The following AFF1 variants were observed in gnomAD, a reference collection of about 807,000 sequenced individuals.
AFF1 encodes AF4/FMR2 family member 1.
In AFF1, 48 loss-of-function variants were observed where a neutral mutation model predicts 121.7. The ratio of observed to expected loss-of-function variants is 0.39; its 90% confidence interval spans 0.31 to 0.50. The LOEUF is 0.50. AFF1 is among the 20% of genes least tolerant of loss of function. AFF1 has a pLI of 0.76. For missense variants in AFF1, 1,523 were observed against 1,511.7 expected (o/e 1.01, Z -0.12); for synonymous variants, 613 against 563.0 (o/e 1.09, Z -1.26).
chr4:87,114,659 C>A lies in AFF1; in HGVS notation c.1826C>A (p.Thr609Asn). The A allele has an allele frequency of 6.2e-7, 1 of 1,608,454 alleles. No individual in the cohort carries two copies. Among genetic ancestry groups the A allele is most frequent in the Non-Finnish European group, 8.5e-7 (1 of 1,179,238 alleles). The change falls in exon 12 of 21, where the codon ACC (threonine) becomes AAC (asparagine). Residue 609 changes from threonine to asparagine, a missense_variant. By Grantham distance (65) the Thr-to-Asn change is moderately conservative. Transcript: ENST00000395146. The part of the protein sequence containing the change: ...QEPPQRQTVG[T>N]KQPKKPVKAS... Reference sequence around the variant, plus strand: ...CCCCCACAAAGGCAAACCGTTGGAACCAAACAACCCAAAAAACCTGTCAAG... The same window carrying A: ...CCCCCACAAAGGCAAACCGTTGGAAACAAACAACCCAAAAAACCTGTCAAG...
At chr4:86,990,911 G>GGAGGCCGA (rs1560522555) in intron 2 of AFF1, among the ~76,000 whole-genome samples, 1 of 152,124 alleles carries the variant, frequency 6.6e-6, no homozygotes, top group African/African-American at 2.4e-5. Flanking sequence ...CAGCACTTTC[G>GGAGGCCGA]GAGGCCGAGG....
At chr4:87,036,939 C>G in intron 2 of AFF1, 1 of 363,986 alleles carries the variant, frequency 2.7e-6, no homozygotes, top group Admixed American at 3.8e-5. Context: ...TCAAGTGATC[C>G]TCCCATCTCA....
In AFF1 at chr4:87,046,295, T is replaced by C; in HGVS notation, c.159+9T>C. 6.2e-7 allele frequency: 1 copy of C among 1,609,096 alleles called. No individual in the cohort carries two copies. Among genetic ancestry groups the C allele is most frequent in the South Asian group, 1.1e-5 (1 of 90,658 alleles). ...TTGGAGAGCCCTACAAGGTATTTAC[T>C]GAACACTAGACATTGAAGTCCTGAT... On this transcript the variant is annotated intron_variant, in intron 3 of 20. Coordinates refer to ENST00000395146, the MANE Select transcript of AFF1 (RefSeq NM_001166693.3).
intron 4 of AFF1, among the ~76,000 whole-genome samples, chr4:87,056,086 C>CTTT (rs1720111063): frequency 6.6e-6 from 1 of 151,916 alleles, no homozygotes; most frequent in Non-Finnish European, 1.5e-5. Context: ...TTTCTCTCTG[C>CTTT]ATTTTTTTTT....
At chr4:87,011,701 A>AGT (rs3035507) in intron 2 of AFF1, among the ~76,000 whole-genome samples, 1 of 152,208 alleles carries the variant, frequency 6.6e-6, no homozygotes, top group South Asian at 2.1e-4. Context: ...CATTGTAAAC[A>AGT]GTGTCCTTGA....
At position 87,134,577 on chromosome 4, in the gene AFF1, A is replaced by G; in HGVS notation, c.3418A>G (p.Ile1140Val). The stretch of plus-strand genomic sequence containing the variant: ...GGGGAGCAGTGGGGTGGCTGCCACT[A>G]TCAGCACCCCAGTCACCATCCAGAA... ...SVGSSGVAAT[I>V]STPVTIQNMT... is the part of the protein sequence containing the mutation. Residue 1140 changes from isoleucine (I) to valine (V), a missense_variant, in exon 20 of 21, where the codon ATC becomes GTC. By Grantham distance (29) the Ile-to-Val change is conservative. Transcript: ENST00000395146. 3 of 1,614,090 alleles carry G rather than the reference A, an allele frequency of 1.9e-6. No individual in the cohort carries two copies. Among genetic ancestry groups the G allele is most frequent in the South Asian group, 2.2e-5 (2 of 91,080 alleles).
chr4:87,083,754 T>A (rs1723398043), intron 4 of AFF1, among the ~76,000 whole-genome samples: 1 of 152,176 alleles, frequency 6.6e-6, no homozygotes, highest in South Asian at 2.1e-4. Context: ...TAGATTAATC[T>A]CTCTGGTCTT....
intron 12 of AFF1, among the ~76,000 whole-genome samples, chr4:87,117,323 T>G (rs536601561): frequency 2.6e-5 from 4 of 152,258 alleles, no homozygotes; most frequent in African/African-American, 7.2e-5. Context: ...CTTAATCGAG[T>G]GCATGATTTC....
intron 10 of AFF1, among the ~76,000 whole-genome samples, chr4:87,106,463 G>T (rs186698045): frequency 6.6e-6 from 1 of 152,282 alleles, no homozygotes; most frequent in Admixed American, 6.5e-5. Flanking sequence ...TTAAACTGAC[G>T]AGCCCAGTGT....
At chr4:87,040,763 G>A (rs1730055114) in intron 2 of AFF1, among the ~76,000 whole-genome samples, 2 of 151,174 alleles carry the variant, frequency 1.3e-5, no homozygotes, top group Non-Finnish European at 1.5e-5. Context: ...TAGAGACATA[G>A]GGTTTCACTA....
intron 2 of AFF1, among the ~76,000 whole-genome samples, chr4:87,030,564 AAC>A (rs1051248617): frequency 6.6e-6 from 1 of 152,154 alleles, no homozygotes; most frequent in Non-Finnish European, 1.5e-5. Flanking sequence ...ACAAGTCTGA[AAC>A]ACTGGTCTAA....
At position 87,047,532 on chromosome 4, in the gene AFF1, G is replaced by A. The variant is rs1222904407; in HGVS notation, c.997G>A (p.Asp333Asn). Residue 333 changes from aspartate (D) to asparagine (N), a missense_variant, in exon 4 of 21, where the codon GAC becomes AAC. Asp to Asn is a conservative substitution (Grantham distance 23). Around this residue, in one of 5 missense-constraint regions of AFF1, gnomAD observed 905 missense variants for 842.5 expected, o/e 1.07. Transcript: ENST00000395146. ...TCGACAGCAGACCTTTGAAAAAACA[G>A]ACTTGAAAGTGCCTGCCAAAGCCAA... Reference protein sequence around the residue: ...DYRQQTFEKTDLKVPAKAKLT... With the variant: ...DYRQQTFEKTNLKVPAKAKLT... 1 of 1,614,070 alleles carries A rather than the reference G, an allele frequency of 6.2e-7. No individual in the cohort carries two copies. The highest frequency in any genetic ancestry group is 1.3e-5 in the African/African-American group (1 of 74,912).
intron 2 of AFF1, among the ~76,000 whole-genome samples, chr4:86,991,445 C>CAA (rs57207984): frequency 7.1e-6 from 1 of 141,314 alleles, no homozygotes; most frequent in Non-Finnish European, 1.5e-5. Flanking sequence ...ACTCCATCTC[C>CAA]AAAAAAAAAA....
rs527739853 is a variant in AFF1 at position 87,028,584 on chromosome 4, A to T, written c.39-17582A>T. On this transcript the variant is annotated intron_variant, in intron 2 of 20. Transcript: ENST00000395146. ...GATAATACCTCATTTTGTAGAGATT[A>T]TTTAAATTCCTTGAGGTCTCAGACC... Among the ~76,000 whole-genome samples the T allele has an allele frequency of 2.0e-5, 3 of 149,646 alleles. No homozygotes were observed. In the South Asian group the frequency reaches 6.2e-4, roughly 31 times the overall value.
At chr4:87,041,263 A>G (rs545473391) in intron 2 of AFF1, among the ~76,000 whole-genome samples, 1 of 152,328 alleles carries the variant, frequency 6.6e-6, no homozygotes, top group African/African-American at 2.4e-5. Flanking sequence ...AAAATTAAAT[A>G]GAAAACTGAT....
intron 2 of AFF1, among the ~76,000 whole-genome samples, chr4:87,002,922 C>A (rs1220069376): frequency 2.0e-5 from 3 of 152,132 alleles, no homozygotes; most frequent in African/African-American, 7.2e-5. Context: ...AATTCTTTGC[C>A]CCTCAAAGGT....
chr4:87,024,792 C>T (rs1344941724), intron 2 of AFF1, among the ~76,000 whole-genome samples: 2 of 152,138 alleles, frequency 1.3e-5, no homozygotes, highest in Non-Finnish European at 2.9e-5. Context: ...TGGAGTTTCA[C>T]CATGTTGGCC....
At chr4:87,029,716 T>G (rs79206594) in intron 2 of AFF1, among the ~76,000 whole-genome samples, 6,775 of 152,170 alleles carry the variant, frequency 0.045, 487 homozygotes, top group African/African-American at 0.15. Context: ...TATAAAGAAT[T>G]GTAGTGTTAA....
At chr4:87,015,583 A>G (rs1163877881) in intron 2 of AFF1, among the ~76,000 whole-genome samples, 2 of 152,170 alleles carry the variant, frequency 1.3e-5, no homozygotes, top group African/African-American at 4.8e-5. Flanking sequence ...AGTTAGATTG[A>G]ATTTGATAAT....
Sources: allele counts gnomAD v4.1 joint callset (sites outside exome capture counted in the v4.1 genomes callset), GRCh38; gene constraint gnomAD v4.1.1; regional missense constraint gnomAD v4.1.1; transcripts MANE v1.5; gene names NCBI Gene and HGNC (gene_info 2026-07-23, HGNC 2026-07-21).